The following KCNH7 variants were observed in gnomAD, a reference collection of about 807,000 sequenced individuals.
KCNH7 encodes the protein voltage-gated inwardly rectifying potassium channel KCNH7.
Under a neutral mutation model 120.8 loss-of-function variants are expected in KCNH7, and 49 were observed. The ratio of observed to expected loss-of-function variants is 0.41; its 90% CI spans 0.32 to 0.51. KCNH7 has a LOEUF of 0.51. Among genes scored for constraint, KCNH7 ranks in the 20% least tolerant of loss-of-function variants. KCNH7 has a pLI of 0.38. For synonymous variants in KCNH7, 547 were observed against 516.1 expected (o/e 1.06, Z -0.81); for missense variants, 1,097 against 1,446.6 (o/e 0.76, Z 3.92).
At chr2:162,537,420 A>G (rs2105827188) in intron 2 of KCNH7, among the ~76,000 whole-genome samples, 1 of 152,168 alleles carries the variant, frequency 6.6e-6, no homozygotes, top group Non-Finnish European at 1.5e-5. Flanking sequence ...CCATTTTCTT[A>G]TAAATTTTGA....
rs763511721 is a variant in KCNH7, at chr2:162,423,405, A to C, written c.2085T>G (p.Pro695=). ...AATATTCTTCAAGACGTTGCCTCAG[A>C]GGGTTGGGGATTTGGTGAAAGCGAA... is the stretch of plus-strand genomic sequence containing the variant. The part of the protein sequence containing the change: ...EFIRFHQIPN[P]LRQRLEEYFQ... Residue 695 remains proline, a synonymous_variant, in exon 9 of 16, where the codon CCT becomes CCG. Coordinates refer to ENST00000332142, the MANE Select transcript of KCNH7 (RefSeq NM_033272.4). 1 of 1,614,082 alleles carries C rather than the reference A, an allele frequency of 6.2e-7. No individual in the cohort carries two copies. Among genetic ancestry groups the C allele is most frequent in the Admixed American group, 1.7e-5 (1 of 59,998 alleles).
intron 9 of KCNH7, among the ~76,000 whole-genome samples, chr2:162,418,801 A>C (rs760188424): frequency 1.3e-4 from 20 of 152,122 alleles, no homozygotes; most frequent in Non-Finnish European, 2.2e-4. Flanking sequence ...TGGAAGTCAC[A>C]TCAGCCCCAA....
intron 6 of KCNH7, among the ~76,000 whole-genome samples, chr2:162,450,304 T>C (rs1477680644): frequency 6.6e-6 from 1 of 152,088 alleles, no homozygotes; most frequent in East Asian, 1.9e-4. Flanking sequence ...AATACGCCCA[T>C]TGACACAGAA....
intron 2 of KCNH7, among the ~76,000 whole-genome samples, chr2:162,817,928 G>C (rs1486535126): frequency 6.6e-6 from 1 of 152,060 alleles, no homozygotes; most frequent in South Asian, 2.1e-4. Context: ...TATACAGAGA[G>C]ATATGGACAT....
At chr2:162,373,434 G>T in intron 15 of KCNH7, 36 bp downstream of exon 15, 3 of 1,411,760 alleles carry the variant, frequency 2.1e-6, no homozygotes, top group South Asian at 1.6e-5. Flanking sequence ...AACACACTGT[G>T]AGAGACACTC....
intron 2 of KCNH7, among the ~76,000 whole-genome samples, chr2:162,667,104 C>T (rs557182387): frequency 2.0e-5 from 3 of 150,806 alleles, no homozygotes; most frequent in Non-Finnish European, 3.0e-5. Context: ...ACTGCAGCCT[C>T]GACCTCCCGG....
intron 2 of KCNH7, among the ~76,000 whole-genome samples, chr2:162,628,840 A>G (rs1683653848): frequency 6.6e-6 from 1 of 152,080 alleles, no homozygotes; most frequent in African/African-American, 2.4e-5. Flanking sequence ...CTTTATTGCT[A>G]GAGAGACTCA....
At chr2:162,807,947 G>C (rs1684608023) in intron 2 of KCNH7, among the ~76,000 whole-genome samples, 1 of 152,178 alleles carries the variant, frequency 6.6e-6, no homozygotes, top group Admixed American at 6.5e-5. Context: ...CTCCCAAAGT[G>C]CTGGGATTAC....
At chr2:162,378,470 A>T (rs2105399149) in intron 14 of KCNH7, among the ~76,000 whole-genome samples, 1 of 152,342 alleles carries the variant, frequency 6.6e-6, no homozygotes, top group South Asian at 2.1e-4. Flanking sequence ...AAGCATAAAT[A>T]GTGAATAAAT....
At chr2:162,655,998 TA>T (rs2105268475) in intron 2 of KCNH7, among the ~76,000 whole-genome samples, 1 of 152,268 alleles carries the variant, frequency 6.6e-6, no homozygotes, top group East Asian at 1.9e-4. Flanking sequence ...TAATACATTT[TA>T]AAAAGATACA....
chr2:162,467,537 T>C (rs1689349348), intron 6 of KCNH7, among the ~76,000 whole-genome samples: 1 of 152,130 alleles, frequency 6.6e-6, no homozygotes, highest in African/African-American at 2.4e-5. Flanking sequence ...CCTTCCACCA[T>C]GAGTGGAAGC....
At chr2:162,756,039 A>G (rs1313864492) in intron 2 of KCNH7, among the ~76,000 whole-genome samples, 1 of 152,162 alleles carries the variant, frequency 6.6e-6, no homozygotes, top group Admixed American at 6.5e-5. Flanking sequence ...CAAGGGTTCT[A>G]CTCTAATTAT....
intron 2 of KCNH7, among the ~76,000 whole-genome samples, chr2:162,556,550 A>G (rs1692863688): frequency 6.6e-6 from 1 of 152,212 alleles, no homozygotes; most frequent in Non-Finnish European, 1.5e-5. Flanking sequence ...AGATTCCCCA[A>G]AAGAGGAAAC....
chr2:162,796,866 C>CT (rs913719389), intron 2 of KCNH7: 2 of 151,654 alleles, frequency 1.3e-5, no homozygotes, highest in African/African-American at 2.4e-5. Context: ...ATTCTAAACC[C>CT]TTTTTTGTGT....
At chr2:162,727,996 T>G (rs1687589011) in intron 2 of KCNH7, among the ~76,000 whole-genome samples, 1 of 152,202 alleles carries the variant, frequency 6.6e-6, no homozygotes, top group Non-Finnish European at 1.5e-5. Context: ...TATATGTTCA[T>G]GAGTACATAT....
In KCNH7 at chr2:162,817,053, T is replaced by C. The variant is rs906247926; in HGVS notation, c.307+19484A>G. ...GGTTATAGAAGAAAAAATCTGGCCC[T>C]GAAAGTAAACAGTGATCTTATGGAG... On this transcript the variant is annotated intron_variant, in intron 2 of 15. Coordinates refer to ENST00000332142, the MANE Select transcript of KCNH7 (RefSeq NM_033272.4). 2.6e-5 allele frequency among the ~76,000 whole-genome samples: 4 copies of C among 152,110 alleles called. No homozygotes were observed. The East Asian group carries it at 7.7e-4, about 29-fold the overall frequency.
intron 2 of KCNH7, among the ~76,000 whole-genome samples, chr2:162,752,750 T>A (rs1260278673): frequency 1.3e-5 from 2 of 150,710 alleles, no homozygotes; most frequent in Non-Finnish European, 2.9e-5. Flanking sequence ...ATGACAAAAA[T>A]TAGCCGGGTG....
chr2:162,649,617 T>G (rs1684496824), intron 2 of KCNH7, among the ~76,000 whole-genome samples: 1 of 149,068 alleles, frequency 6.7e-6, no homozygotes, highest in Non-Finnish European at 1.5e-5. Context: ...ACAAATCCTA[T>G]AGAAATGGGT....
At chr2:162,482,058 A>G (rs1427968351) in intron 6 of KCNH7, among the ~76,000 whole-genome samples, 1 of 152,038 alleles carries the variant, frequency 6.6e-6, no homozygotes, top group Admixed American at 6.6e-5. Flanking sequence ...TCATCTAGCT[A>G]TCTAGCAAGA....
Sources: allele counts gnomAD v4.1 joint callset (sites outside exome capture counted in the v4.1 genomes callset), GRCh38; gene constraint gnomAD v4.1.1; transcripts MANE v1.5; gene names NCBI Gene and HGNC (gene_info 2026-07-23, HGNC 2026-07-21).